FER1L6: variants seen among roughly 807,000 people sequenced by gnomAD.
FER1L6 encodes fer-1-like protein 6.
FER1L6 carries 177 observed loss-of-function variants against 219.2 expected under a neutral mutation model. The observed-to-expected ratio is 0.81, with a 90% confidence interval of 0.71 to 0.91. The LOEUF (loss-of-function observed/expected upper bound fraction) is 0.91. Among genes scored for constraint, FER1L6 ranks in the 40% least tolerant of loss-of-function variants. The pLI, the probability that FER1L6 is intolerant of heterozygous loss-of-function variation, is 0.00. For synonymous variants in FER1L6, 768 were observed against 824.3 expected, an observed-to-expected ratio of 0.93 and a Z score of 1.17; for missense variants, 2,153 against 2,259.9, an observed-to-expected ratio of 0.95 and a Z score of 0.96.
intron 1 of FER1L6, among the ~76,000 whole-genome samples, chr8:123,892,416 C>T (rs920595302): frequency 2.0e-5 from 3 of 152,056 alleles, no homozygotes; most frequent in African/African-American, 7.2e-5. Flanking sequence ...CTCAGCCCCG[C>T]AAGTAGCTGG....
At chr8:123,992,589 C>A (rs1437805898) in intron 12 of FER1L6, among the ~76,000 whole-genome samples, 2 of 152,056 alleles carry the variant, frequency 1.3e-5, no homozygotes. Flanking sequence ...TTTGCATCTT[C>A]CATCTTCTTC....
chr8:124,101,577 T>C (rs1822550373), intron 38 of FER1L6, among the ~76,000 whole-genome samples: 1 of 152,232 alleles, frequency 6.6e-6, no homozygotes, highest in South Asian at 2.1e-4. Flanking sequence ...AAAAAGTCAT[T>C]AAACTTTGAG....
intron 13 of FER1L6, among the ~76,000 whole-genome samples, chr8:124,006,187 G>A (rs567988077): frequency 6.6e-6 from 1 of 152,220 alleles, no homozygotes; most frequent in Non-Finnish European, 1.5e-5. Context: ...GGGCCAGGCA[G>A]TGAAGACATT....
chr8:123,922,301 C>CGTGACAGAGGGTA (rs1214510421), intron 1 of FER1L6, among the ~76,000 whole-genome samples: 1 of 152,148 alleles, frequency 6.6e-6, no homozygotes, highest in African/African-American at 2.4e-5. Context: ...ATTTATTCTG[C>CGTGACAGAGGGTA]GTGACAGAAG....
intron 1 of FER1L6, among the ~76,000 whole-genome samples, chr8:123,943,540 C>T (rs910141716): frequency 6.6e-6 from 1 of 152,254 alleles, no homozygotes; most frequent in South Asian, 2.1e-4. Flanking sequence ...CTCCACTGAG[C>T]CACTGAATTC....
chr8:124,097,729 A>G (rs1822367642), intron 36 of FER1L6, 56 bp from the exon 37 acceptor site: 1 of 955,844 alleles, frequency 1.0e-6, no homozygotes. Context: ...CCACACAGAC[A>G]CCAACTGACT....
intron 12 of FER1L6, among the ~76,000 whole-genome samples, chr8:124,001,569 C>T (rs1474083746): frequency 6.6e-6 from 1 of 152,220 alleles, no homozygotes; most frequent in Admixed American, 6.5e-5. Flanking sequence ...AACCTGCTAA[C>T]TCTAAGTCTC....
Position 124,067,790 on chromosome 8 carries a change from A to G in FER1L6, c.3702A>G (p.Gly1234=). 6.2e-7 allele frequency: 1 copy of G among 1,604,326 alleles called. No individual in the cohort carries two copies. Among genetic ancestry groups the G allele is most frequent in the South Asian group, 1.1e-5 (1 of 90,582 alleles). ...AGGCAAAGGAGAGAAATCCCAAGGGAAAAAAAGGCAATACAGGTAAGCAGT... is the reference window on the plus strand; with the variant it reads ...AGGCAAAGGAGAGAAATCCCAAGGGGAAAAAAGGCAATACAGGTAAGCAGT... ...AQKAKERNPK[G]KKGNTEAKPD... The change falls in exon 28 of 41, where the codon GGA becomes GGG. Residue 1234 remains glycine (G), a synonymous_variant. Coordinates refer to ENST00000522917, the MANE Select transcript of FER1L6 (RefSeq NM_001039112.2).
At chr8:124,016,928 A>G (rs1353743733) in intron 15 of FER1L6, among the ~76,000 whole-genome samples, 1 of 152,192 alleles carries the variant, frequency 6.6e-6, no homozygotes, top group Non-Finnish European at 1.5e-5. Flanking sequence ...GATAGGTGCT[A>G]TCAAATAGCC....
At chr8:124,061,752 T>C in intron 24 of FER1L6, 100 bp from the exon 25 acceptor site, 1 of 1,182,554 alleles carries the variant, frequency 8.5e-7, no homozygotes, top group Non-Finnish European at 1.2e-6. Context: ...AGGGACAGAA[T>C]GGCAAGGCAG....
chr8:124,053,347 A>G (rs968168097), intron 22 of FER1L6, among the ~76,000 whole-genome samples: 5 of 152,214 alleles, frequency 3.3e-5, no homozygotes, highest in Non-Finnish European at 5.9e-5. Flanking sequence ...GCTTCCTGAC[A>G]GCCGACTTAA....
At chr8:124,087,488 G>A (rs562051918) in intron 33 of FER1L6, among the ~76,000 whole-genome samples, 45 of 152,164 alleles carry the variant, frequency 3.0e-4, no homozygotes, top group South Asian at 8.3e-4. Flanking sequence ...GTGTTATCTT[G>A]AATTTTGTTG....
At chr8:124,096,580 C>T (rs1029441299) in intron 35 of FER1L6, among the ~76,000 whole-genome samples, 1 of 152,216 alleles carries the variant, frequency 6.6e-6, no homozygotes, top group South Asian at 2.1e-4. Context: ...TCTTAAATCT[C>T]TTGTACCACG....
chr8:124,092,623 GTCTGT>G (rs1396841839), intron 34 of FER1L6, among the ~76,000 whole-genome samples: 4 of 152,154 alleles, frequency 2.6e-5, no homozygotes, highest in African/African-American at 9.7e-5. Flanking sequence ...CACTGTGTTG[GTCTGT>G]TCTTGCATTG....
intron 14 of FER1L6, among the ~76,000 whole-genome samples, chr8:124,012,716 G>A (rs902232036): frequency 2.6e-5 from 4 of 152,318 alleles, no homozygotes; most frequent in Admixed American, 2.6e-4. Flanking sequence ...ATGCCACAAT[G>A]TTTCCTATTA....
At position 124,003,378 on chromosome 8, in the gene FER1L6, G is replaced by A. The variant is rs767476855; in HGVS notation, c.1700+31G>A. The A allele has an allele frequency of 8.0e-6, 12 of 1,504,518 alleles. No homozygotes were observed. The East Asian group carries it at 3.0e-4, about 37-fold the overall frequency. The allele number at this position is 1,504,518 out of a possible 1,614,324, so 93.2% of individuals were successfully genotyped here. On this transcript the variant is annotated intron_variant, in intron 13 of 40. Transcript: ENST00000522917. ...AGACATAGCCTGGGAGAACAGTCAA[G>A]GATTTTGCTGGTGGAATTTTGTCCA... is the stretch of plus-strand genomic sequence containing the variant.
At chr8:123,954,714 T>C (rs919498558) in intron 1 of FER1L6, among the ~76,000 whole-genome samples, 2 of 152,162 alleles carry the variant, frequency 1.3e-5, no homozygotes, top group African/African-American at 4.8e-5. Context: ...GGGATTAGAA[T>C]TGAGGCAGTC....
chr8:123,995,702 C>T (rs1817101644), intron 12 of FER1L6, among the ~76,000 whole-genome samples: 1 of 151,896 alleles, frequency 6.6e-6, no homozygotes. Flanking sequence ...TTTCCTTATA[C>T]TAATTTTGAA....
At chr8:124,095,234 C>A (rs550680915) in intron 35 of FER1L6, among the ~76,000 whole-genome samples, 196 bp downstream of exon 35, 42 of 152,318 alleles carry the variant, frequency 2.8e-4, no homozygotes, top group Non-Finnish European at 1.5e-5. Context: ...AATTAAACAT[C>A]CTAGAAAACA....
Sources: gnomAD v4.1 joint callset for allele counts (sites outside exome capture counted in the v4.1 genomes callset) on GRCh38, gnomAD v4.1.1 for gene constraint, MANE v1.5 for transcripts, NCBI Gene and HGNC (gene_info 2026-07-23, HGNC 2026-07-21) for gene names.